SELENOI: variants seen among roughly 807,000 people sequenced by gnomAD.
SELENOI encodes ethanolaminephosphotransferase 1.
In SELENOI, 24 loss-of-function variants were observed where a neutral mutation model predicts 50.7. The observed-to-expected ratio is 0.47, with a 90% CI of 0.34 to 0.67. SELENOI has a LOEUF of 0.67. Ranked by LOEUF, SELENOI falls within the 30% of genes least tolerant of loss-of-function variation. The probability of loss-of-function intolerance (pLI) is 0.01; values close to 1 mark genes in which losing one functional copy is unlikely to be tolerated. For missense variants in SELENOI, 352 were observed against 461.4 expected (o/e 0.76, Z 2.17); for synonymous variants, 155 against 170.2 (o/e 0.91, Z 0.70).
chr2:26,382,255 G>A (rs754622815), intron 6 of SELENOI, among the ~76,000 whole-genome samples: 32 of 152,196 alleles, frequency 2.1e-4, no homozygotes, highest in Non-Finnish European at 2.9e-4. Flanking sequence ...GTATAAGTAC[G>A]GTGGGGCACC....
In SELENOI at chr2:26,390,742, A is replaced by C. The variant is rs1223170258; in HGVS notation, c.*1639A>C. 1.3e-5 allele frequency: 2 copies of C among 152,238 alleles called. No individual in the cohort carries two copies. Among genetic ancestry groups the C allele is most frequent in the Admixed American group, 1.3e-4 (2 of 15,288 alleles). 9.4% of individuals were successfully genotyped at this position (152,238 alleles called of 1,614,324 possible). Reference sequence around the variant, plus strand: ...TTGGAAATAGATGAGAAATGGATGCAGAATAATGCAGATAGTGATCCCATG... The same window carrying C: ...TTGGAAATAGATGAGAAATGGATGCCGAATAATGCAGATAGTGATCCCATG... On this transcript the variant is annotated 3_prime_UTR_variant, in exon 10 of 10. Coordinates refer to ENST00000260585, the MANE Select transcript of SELENOI (RefSeq NM_033505.4).
intron 1 of SELENOI, among the ~76,000 whole-genome samples, chr2:26,356,371 A>G (rs531968529): frequency 6.6e-6 from 1 of 152,246 alleles, no homozygotes; most frequent in East Asian, 1.9e-4. Context: ...TGTGATTACT[A>G]AGTTGTCCAG....
chr2:26,355,259 A>G (rs913780138), intron 1 of SELENOI, among the ~76,000 whole-genome samples: 2 of 152,268 alleles, frequency 1.3e-5, no homozygotes, highest in Non-Finnish European at 2.9e-5. Context: ...ATTTTCAGAT[A>G]GGAAGTGAAG....
intron 1 of SELENOI, among the ~76,000 whole-genome samples, chr2:26,354,477 C>T (rs1677024104): frequency 6.6e-6 from 1 of 152,134 alleles, no homozygotes; most frequent in Non-Finnish European, 1.5e-5. Flanking sequence ...AGCTCCGCCT[C>T]CTGGGTTCAC....
intron 4 of SELENOI, among the ~76,000 whole-genome samples, chr2:26,371,311 G>C (rs2147954442): frequency 6.6e-6 from 1 of 152,188 alleles, no homozygotes; most frequent in South Asian, 2.1e-4. Flanking sequence ...GTGGCGGCCG[G>C]GCAGAGGCGC....
chr2:26,388,253 A>G (rs1677890442), intron 9 of SELENOI, among the ~76,000 whole-genome samples: 1 of 152,238 alleles, frequency 6.6e-6, no homozygotes, highest in African/African-American at 2.4e-5. Context: ...CATTTACTAT[A>G]GCCTTTTAGA....
intron 1 of SELENOI, among the ~76,000 whole-genome samples, chr2:26,356,668 T>C (rs1030201317): frequency 2.0e-5 from 3 of 152,202 alleles, no homozygotes; most frequent in African/African-American, 4.8e-5. Context: ...AGTTTCTAAC[T>C]GGTCTCTAGT....
chr2:26,395,687 T>C lies in SELENOI; in HGVS notation c.*6584T>C, dbSNP rs1278185354. 1 of 152,662 alleles carries C rather than the reference T, an allele frequency of 6.6e-6. No individual in the cohort carries two copies. Among genetic ancestry groups the C allele is most frequent in the Non-Finnish European group, 1.5e-5 (1 of 68,056 alleles). 9.5% of individuals were successfully genotyped at this position (152,662 alleles called of 1,614,324 possible). A position where few individuals can be genotyped will look rare whatever the true frequency, so the allele number is the denominator to read the frequency against. On this transcript the variant is annotated 3_prime_UTR_variant, in exon 10 of 10. Transcript: ENST00000260585. ...TATCTGTATCAGTGTTTCCCATTGC[T>C]AGCCCGAATAATCAAGACCAGACTG...
chr2:26,387,680 A>G (rs1677874732), intron 9 of SELENOI, among the ~76,000 whole-genome samples: 1 of 140,512 alleles, frequency 7.1e-6, no homozygotes, highest in Non-Finnish European at 1.5e-5. Flanking sequence ...TGAGTGACAA[A>G]GTGAGACCCT....
chr2:26,372,068 T>C (rs945647232), intron 4 of SELENOI, among the ~76,000 whole-genome samples: 1 of 152,220 alleles, frequency 6.6e-6, no homozygotes, highest in African/African-American at 2.4e-5. Context: ...TGTACTCTTT[T>C]ATGGTTTGTG....
chr2:26,366,314 A>AATTT (rs757422139), intron 3 of SELENOI, among the ~76,000 whole-genome samples: 27 of 152,024 alleles, frequency 1.8e-4, no homozygotes, highest in South Asian at 1.0e-3. Context: ...GGTTTTTAAA[A>AATTT]ATTTATTTAT....
intron 4 of SELENOI, among the ~76,000 whole-genome samples, chr2:26,368,426 A>G (rs938745004): frequency 6.6e-5 from 10 of 152,202 alleles, no homozygotes; most frequent in Non-Finnish European, 1.3e-4. Context: ...TTGATGTACC[A>G]TCTACTTGTT....
chr2:26,349,135 C>T (rs1397609918), intron 1 of SELENOI, among the ~76,000 whole-genome samples: 1 of 149,810 alleles, frequency 6.7e-6, no homozygotes, highest in Non-Finnish European at 1.5e-5. Context: ...CCTGTCTCAG[C>T]CTCCCGAGTA....
intron 1 of SELENOI, chr2:26,346,496 C>G (rs912303878): frequency 2.1e-5 from 11 of 530,626 alleles, no homozygotes; most frequent in African/African-American, 2.0e-4. Flanking sequence ...TCGGCACCCC[C>G]CGGGAGATTT....
intron 1 of SELENOI, among the ~76,000 whole-genome samples, chr2:26,350,250 T>A (rs1158116766): frequency 6.6e-6 from 1 of 152,172 alleles, no homozygotes; most frequent in Non-Finnish European, 1.5e-5. Context: ...AGTATTACAA[T>A]TAGAGGTGGT....
rs1443005162 is a variant in SELENOI at position 26,346,151 on chromosome 2, T to C, written c.-82T>C. On this transcript the variant is annotated 5_prime_UTR_variant, in exon 1 of 10. Transcript: ENST00000260585. ...CGGGCAGCCCAGTCTTTGCCATCCTTGCCCAGCCGGTGTGGTGCTTGTGTG... is the reference window on the plus strand; with the variant it reads ...CGGGCAGCCCAGTCTTTGCCATCCTCGCCCAGCCGGTGTGGTGCTTGTGTG... 6 of 1,606,462 alleles carry C rather than the reference T, an allele frequency of 3.7e-6. No homozygotes were observed. The highest frequency in any genetic ancestry group is 5.1e-6 in the Non-Finnish European group (6 of 1,176,882).
At chr2:26,355,030 G>A (rs563483060) in intron 1 of SELENOI, among the ~76,000 whole-genome samples, 1 of 152,242 alleles carries the variant, frequency 6.6e-6, no homozygotes, top group African/African-American at 2.4e-5. Flanking sequence ...AATCTAACCA[G>A]GTTTCCTCAT....
chr2:26,354,535 C>T (rs1405054572), intron 1 of SELENOI, among the ~76,000 whole-genome samples: 2 of 151,828 alleles, frequency 1.3e-5, no homozygotes, highest in African/African-American at 4.8e-5. Context: ...TACAGGCGGC[C>T]GCCACCACGC....
At chr2:26,360,996 C>T (rs1371034152) in intron 1 of SELENOI, among the ~76,000 whole-genome samples, 3 of 152,120 alleles carry the variant, frequency 2.0e-5, no homozygotes, top group Non-Finnish European at 2.9e-5. Flanking sequence ...GGGTGGGTCA[C>T]GAGGTCAGGA....
Sources: gnomAD v4.1 joint callset for allele counts (sites outside exome capture counted in the v4.1 genomes callset) on GRCh38, gnomAD v4.1.1 for gene constraint, MANE v1.5 for transcripts, NCBI Gene and HGNC (gene_info 2026-07-23, HGNC 2026-07-21) for gene names.